The following DOCK1 variants were observed in gnomAD, a reference collection of about 807,000 sequenced individuals.
DOCK1 encodes the protein dedicator of cytokinesis 1.
DOCK1 carries 138 observed loss-of-function variants against 262.7 expected under a neutral mutation model. That is an observed-to-expected ratio of 0.53 (90% CI 0.46 to 0.61). The LOEUF (loss-of-function observed/expected upper bound fraction) is 0.61, where lower values mean the gene tolerates loss of function less well. Ranked by LOEUF, DOCK1 falls within the 20% of genes least tolerant of loss-of-function variation. The probability of loss-of-function intolerance (pLI) is 0.00; values close to 1 mark genes in which losing one functional copy is unlikely to be tolerated. For synonymous variants in DOCK1, 866 were observed against 867.4 expected (o/e 1.00, Z 0.03); for missense variants, 1,908 against 2,370.7 (o/e 0.80, Z 4.05).
At chr10:126,996,985 C>G in intron 7 of DOCK1, 102 bp downstream of exon 7, 1 of 1,314,446 alleles carries the variant, frequency 7.6e-7, no homozygotes, top group Non-Finnish European at 1.0e-6. Flanking sequence ...AAGAAAGAAC[C>G]TGAAAAGGAG....
At chr10:126,946,533 G>A (rs915606855) in intron 1 of DOCK1, among the ~76,000 whole-genome samples, 7,631 of 152,172 alleles carry the variant, frequency 0.05, 257 homozygotes, top group Middle Eastern at 0.14. Context: ...GCAACAGAGC[G>A]AGACTTCATC....
intron 33 of DOCK1, among the ~76,000 whole-genome samples, chr10:127,366,355 C>G (rs2064908829): frequency 6.6e-6 from 1 of 152,124 alleles, no homozygotes; most frequent in Non-Finnish European, 1.5e-5. Flanking sequence ...ATCTCCCAAG[C>G]CTGCAGCATC....
Position 127,409,110 on chromosome 10 carries a change from T to G in DOCK1, c.4196T>G (p.Phe1399Cys). ...EDFEARLLTQ[F>C]PNAEKMKTTS... Reference sequence around the variant, plus strand: ...TTTGAGGCTCGGCTCTTAACTCAGTTTCCAAACGCCGAGAAAATGAAGACA... The same window carrying G: ...TTTGAGGCTCGGCTCTTAACTCAGTGTCCAAACGCCGAGAAAATGAAGACA... Residue 1399 changes from phenylalanine to cysteine, a missense_variant, in exon 41 of 52, where the codon TTT (phenylalanine) becomes TGT (cysteine). Physicochemically the swap from Phe to Cys is radical, Grantham distance 205 (BLOSUM62 -2). This residue lies in a region of DOCK1 where 267 missense variants were observed against 366.3 expected (regional missense o/e 0.73). Coordinates refer to ENST00000623213, the MANE Select transcript of DOCK1 (RefSeq NM_001290223.2). The G allele has an allele frequency of 5.6e-6, 9 of 1,608,906 alleles. No individual in the cohort carries two copies. Among genetic ancestry groups the G allele is most frequent in the Non-Finnish European group, 7.6e-6 (9 of 1,177,458 alleles).
chr10:126,970,760 T>C lies in DOCK1; in HGVS notation c.105T>C (p.Thr35=), dbSNP rs1056795406. 9.3e-6 allele frequency: 15 copies of C among 1,613,572 alleles called. No homozygotes were observed. The East Asian group carries it at 3.3e-4, about 36-fold the overall frequency. The change falls in exon 2 of 52, where the codon ACT becomes ACC. Residue 35 remains threonine, a synonymous_variant. Transcript: ENST00000623213. ...ADELSLQIGD[T]VHILETYEGW... ...AACTTTCTTTACAGATCGGAGACAC[T>C]GTGCACATCTTAGAAACATATGAAG...
chr10:126,993,127 T>A (rs1346076324), intron 6 of DOCK1, among the ~76,000 whole-genome samples: 1 of 152,248 alleles, frequency 6.6e-6, no homozygotes, highest in East Asian at 1.9e-4. Context: ...TCCTCCTTTG[T>A]GCAATGGGTC....
At chr10:127,205,074 T>A (rs554480232) in intron 27 of DOCK1, among the ~76,000 whole-genome samples, 1 of 151,926 alleles carries the variant, frequency 6.6e-6, no homozygotes, top group South Asian at 2.1e-4. Context: ...TGAACCCAAA[T>A]ATGACAATGA....
intron 47 of DOCK1, among the ~76,000 whole-genome samples, chr10:127,432,058 A>G (rs2069327497): frequency 6.6e-6 from 1 of 152,192 alleles, no homozygotes; most frequent in African/African-American, 2.4e-5. Context: ...ATGAGAATCT[A>G]ATGCCTGATG....
chr10:127,124,500 C>A (rs536145464), intron 25 of DOCK1, among the ~76,000 whole-genome samples: 2 of 152,194 alleles, frequency 1.3e-5, no homozygotes, highest in Non-Finnish European at 2.9e-5. Flanking sequence ...TGCATTTCAC[C>A]TTTCATTGTA....
chr10:127,140,890 C>A (rs1288684418), intron 27 of DOCK1, among the ~76,000 whole-genome samples: 1 of 152,158 alleles, frequency 6.6e-6, no homozygotes, highest in Non-Finnish European at 1.5e-5. Context: ...ACACAGACCT[C>A]CCTCTGTATT....
At chr10:127,408,715 G>T (rs73388623) in intron 40 of DOCK1, among the ~76,000 whole-genome samples, 1 of 152,194 alleles carries the variant, frequency 6.6e-6, no homozygotes, top group African/African-American at 2.4e-5. Flanking sequence ...GCCCATTCTA[G>T]TGTGGGCTTC....
chr10:126,969,811 G>T (rs2037960433), intron 1 of DOCK1, among the ~76,000 whole-genome samples: 1 of 152,132 alleles, frequency 6.6e-6, no homozygotes, highest in South Asian at 2.1e-4. Flanking sequence ...ACATGACATG[G>T]TTTAATTTTA....
At chr10:127,255,765 T>C (rs993933916) in intron 28 of DOCK1, among the ~76,000 whole-genome samples, 1 of 152,308 alleles carries the variant, frequency 6.6e-6, no homozygotes, top group Non-Finnish European at 1.5e-5. Context: ...AGGCTGTAGC[T>C]CAATTATTAG....
intron 29 of DOCK1, among the ~76,000 whole-genome samples, chr10:127,324,073 G>GA (rs1292427275): frequency 1.3e-5 from 2 of 152,330 alleles, no homozygotes. Flanking sequence ...CAGGATGAAG[G>GA]AACAGCAGGA....
At chr10:127,408,494 G>C (rs934966885) in intron 40 of DOCK1, among the ~76,000 whole-genome samples, 2 of 152,232 alleles carry the variant, frequency 1.3e-5, no homozygotes, top group African/African-American at 4.8e-5. Flanking sequence ...CTCGGGTTCT[G>C]CTCGCCTCGG....
At chr10:127,097,802 C>A (rs918515196) in intron 23 of DOCK1, among the ~76,000 whole-genome samples, 1 of 152,172 alleles carries the variant, frequency 6.6e-6, no homozygotes, top group East Asian at 1.9e-4. Context: ...AATGAACAGG[C>A]GAAGAGTAAA....
chr10:127,112,702 G>A (rs969373481), intron 25 of DOCK1, among the ~76,000 whole-genome samples: 3 of 152,066 alleles, frequency 2.0e-5, no homozygotes, highest in Non-Finnish European at 4.4e-5. Flanking sequence ...AAATTATTGT[G>A]GGCTAAATGA....
intron 2 of DOCK1, 73 bp from the exon 3 acceptor site, chr10:126,977,875 C>A: frequency 6.9e-7 from 1 of 1,446,330 alleles, no homozygotes; most frequent in Non-Finnish European, 9.7e-7. Flanking sequence ...GTGAGTTCTA[C>A]ACATCATGAA....
chr10:127,236,503 T>TG (rs1554926832), intron 27 of DOCK1, among the ~76,000 whole-genome samples: 2 of 109,610 alleles, frequency 1.8e-5, no homozygotes, highest in Non-Finnish European at 4.3e-5. Context: ...GACACGGGTT[T>TG]TTTTTTTTTT....
chr10:127,360,074 G>T (rs2133910960), intron 32 of DOCK1, among the ~76,000 whole-genome samples: 1 of 152,304 alleles, frequency 6.6e-6, no homozygotes, highest in Non-Finnish European at 1.5e-5. Context: ...TCACCTTTTT[G>T]ATAGGACCTG....
Sources: gnomAD v4.1 joint callset for allele counts (sites outside exome capture counted in the v4.1 genomes callset) on GRCh38, gnomAD v4.1.1 for gene constraint, gnomAD v4.1.1 regional missense constraint, MANE v1.5 for transcripts, NCBI Gene and HGNC (gene_info 2026-07-23, HGNC 2026-07-21) for gene names.